Variants in SHROOM3 observed in about 807,000 individuals in gnomAD.
SHROOM3 encodes the protein protein Shroom3.
In SHROOM3, 47 loss-of-function variants were observed where a neutral mutation model predicts 138.6. The ratio of observed to expected loss-of-function variants is 0.34; its 90% confidence interval spans 0.27 to 0.43. SHROOM3 has a LOEUF of 0.43. SHROOM3 is among the 20% of genes least tolerant of loss of function. SHROOM3 has a pLI of 1.00. For synonymous variants in SHROOM3, 1,062 were observed against 1,063.3 expected, an observed-to-expected ratio of 1.00 and a Z score of 0.02; for missense variants, 2,491 against 2,596.5, an observed-to-expected ratio of 0.96 and a Z score of 0.88.
In SHROOM3 at chr4:76,545,251, G is replaced by T. The variant is rs151164639; in HGVS notation, c.169-10358G>T. Among the ~76,000 whole-genome samples, 90 of 152,236 alleles carry T rather than the reference G, an allele frequency of 5.9e-4. 1 individual carries two copies. The highest frequency in any genetic ancestry group is 2.0e-3 in the African/African-American group (85 of 41,544). On this transcript the variant is annotated intron_variant, in intron 1 of 10. Transcript: ENST00000296043. Reference sequence around the variant, plus strand: ...GAATCGGCCACCTTGGGGTAGATGGGGTCTGTGAACTTTTCTTAAGGCACT... The same window carrying T: ...GAATCGGCCACCTTGGGGTAGATGGTGTCTGTGAACTTTTCTTAAGGCACT...
intron 2 of SHROOM3, among the ~76,000 whole-genome samples, chr4:76,657,933 C>T (rs1736099934): frequency 6.6e-6 from 1 of 152,182 alleles, no homozygotes; most frequent in African/African-American, 2.4e-5. Context: ...AGAACTGGTC[C>T]TCTCCATGGA....
intron 2 of SHROOM3, among the ~76,000 whole-genome samples, chr4:76,599,738 A>G (rs1577910255): frequency 6.6e-6 from 1 of 152,206 alleles, no homozygotes; most frequent in South Asian, 2.1e-4. Flanking sequence ...AGGGAAATAC[A>G]GTTTCCTCAT....
Position 76,779,009 on chromosome 4 carries a change from G to C in SHROOM3, c.5823G>C (p.Lys1941Asn). ...TTGAGCAACGGAAGCTGGATGACAA[G>C]ATCAAGCTGGGCCAGGAGCAGGTCA... ...LLIEQRKLDD[K>N]IKLGQEQVKC... is the part of the protein sequence containing the mutation. Residue 1941 changes from lysine to asparagine, a missense_variant, in exon 11 of 11, where the codon AAG becomes AAC. By Grantham distance (94) the Lys-to-Asn change is moderately conservative (BLOSUM62 0). Coordinates refer to ENST00000296043, the MANE Select transcript of SHROOM3 (RefSeq NM_020859.4). The C allele has an allele frequency of 6.2e-7, 1 of 1,614,192 alleles. No individual in the cohort carries two copies. The highest frequency in any genetic ancestry group is 8.5e-7 in the Non-Finnish European group (1 of 1,180,036).
chr4:76,666,884 A>G (rs921032741), intron 2 of SHROOM3, among the ~76,000 whole-genome samples: 4 of 152,242 alleles, frequency 2.6e-5, no homozygotes, highest in Admixed American at 2.6e-4. Flanking sequence ...ATGGCCTATC[A>G]TTCTGCCTTA....
At chr4:76,601,943 G>A (rs1012526706) in intron 2 of SHROOM3, among the ~76,000 whole-genome samples, 3 of 152,206 alleles carry the variant, frequency 2.0e-5, no homozygotes, top group Non-Finnish European at 4.4e-5. Flanking sequence ...ACAACAACCA[G>A]GTTGATTCAA....
At position 76,756,688 on chromosome 4, in the gene SHROOM3, G is replaced by T. The variant is rs1721827098; in HGVS notation, c.4949G>T (p.Gly1650Val). Residue 1650 changes from glycine (G) to valine (V), a missense_variant, in exon 8 of 11, where the codon GGT becomes GTT. Gly to Val is a moderately radical substitution (Grantham distance 109). Coordinates refer to ENST00000296043, the MANE Select transcript of SHROOM3 (RefSeq NM_020859.4). ...LSHDPVSGTQ[G>V]LEKKVSPDPQ... ...CATGATCCAGTCAGTGGAACTCAGG[G>T]TTTAGAAAAGAAAGTCAGTCCTGAT... The T allele has an allele frequency of 2.5e-6, 4 of 1,614,028 alleles. No individual in the cohort carries two copies. The highest frequency in any genetic ancestry group is 1.3e-5 in the African/African-American group (1 of 74,972).
At chr4:76,727,582 A>G (rs951072401) in intron 3 of SHROOM3, among the ~76,000 whole-genome samples, 3 of 152,222 alleles carry the variant, frequency 2.0e-5, no homozygotes, top group East Asian at 1.9e-4. Context: ...CTCCCTGCCT[A>G]CCTGCACTGA....
chr4:76,557,357 C>T (rs900545278), intron 2 of SHROOM3, among the ~76,000 whole-genome samples: 1 of 151,794 alleles, frequency 6.6e-6, no homozygotes, highest in South Asian at 2.1e-4. Context: ...TGAAAGAAGC[C>T]AGTCACAGAA....
chr4:76,668,358 C>T (rs763001849), intron 2 of SHROOM3, among the ~76,000 whole-genome samples: 1 of 151,970 alleles, frequency 6.6e-6, no homozygotes, highest in African/African-American at 2.4e-5. Context: ...GTCAGGAGTT[C>T]GAGACCAGAC....
intron 2 of SHROOM3, among the ~76,000 whole-genome samples, chr4:76,641,168 A>G (rs1202935701): frequency 6.6e-6 from 1 of 152,222 alleles, no homozygotes; most frequent in African/African-American, 2.4e-5. Flanking sequence ...TTAATGCAGG[A>G]AATATTTATT....
chr4:76,645,399 G>GGA (rs1182800802), intron 2 of SHROOM3: 2 of 152,154 alleles, frequency 1.3e-5, no homozygotes, highest in Non-Finnish European at 2.9e-5. Flanking sequence ...TACTGCTGAT[G>GGA]GACGCCATGA....
intron 1 of SHROOM3, among the ~76,000 whole-genome samples, chr4:76,544,887 T>C (rs1470568645): frequency 1.3e-5 from 2 of 152,218 alleles, no homozygotes; most frequent in African/African-American, 4.8e-5. Flanking sequence ...ACAGCTGGTC[T>C]CTTCACTAGT....
intron 2 of SHROOM3, chr4:76,586,313 G>A: frequency 1.0e-6 from 1 of 985,678 alleles, no homozygotes; most frequent in Non-Finnish European, 1.2e-6. Flanking sequence ...GCTGGCTCCT[G>A]CGGATCCTTC....
intron 1 of SHROOM3, among the ~76,000 whole-genome samples, chr4:76,481,284 T>C (rs1239986109): frequency 6.6e-6 from 1 of 151,954 alleles, no homozygotes; most frequent in African/African-American, 2.4e-5. Context: ...CAATAAAAAA[T>C]GATAAAGGGG....
intron 1 of SHROOM3, among the ~76,000 whole-genome samples, chr4:76,454,524 T>A (rs1730988608): frequency 6.6e-6 from 1 of 152,264 alleles, no homozygotes; most frequent in African/African-American, 2.4e-5. Flanking sequence ...GGTCTAAATG[T>A]CTGTCTGTAT....
At chr4:76,588,504 C>A (rs145504155) in intron 2 of SHROOM3, among the ~76,000 whole-genome samples, 1 of 152,258 alleles carries the variant, frequency 6.6e-6, no homozygotes, top group East Asian at 1.9e-4. Context: ...TAGACACATG[C>A]TGTGCACCCC....
intron 1 of SHROOM3, among the ~76,000 whole-genome samples, chr4:76,553,965 T>A (rs1435218697): frequency 6.6e-6 from 1 of 152,166 alleles, no homozygotes; most frequent in Non-Finnish European, 1.5e-5. Flanking sequence ...TACATGGACA[T>A]CTCCTGTCAC....
chr4:76,695,903 C>T, intron 2 of SHROOM3, among the ~76,000 whole-genome samples: 1 of 152,192 alleles, frequency 6.6e-6, no homozygotes, highest in Non-Finnish European at 1.5e-5. Context: ...CCTCAGCATG[C>T]AGAGACCTTT....
intron 2 of SHROOM3, among the ~76,000 whole-genome samples, chr4:76,654,115 C>G (rs13114029): frequency 0.07 from 10,686 of 152,180 alleles, 516 homozygotes; most frequent in Admixed American, 0.13. Flanking sequence ...AAAGCTTTCT[C>G]GAGTTGTCTG....
Sources: allele counts gnomAD v4.1 joint callset (sites outside exome capture counted in the v4.1 genomes callset), GRCh38; gene constraint gnomAD v4.1.1; transcripts MANE v1.5; gene names NCBI Gene and HGNC (gene_info 2026-07-23, HGNC 2026-07-21).